Variants in ATG10 observed in about 807,000 individuals in gnomAD.
ATG10 encodes autophagy related 10.
In ATG10, 30 loss-of-function variants were observed where a neutral mutation model predicts 32.1. The observed-to-expected ratio is 0.94, with a 90% CI of 0.70 to 1.27. ATG10 has a LOEUF of 1.27. ATG10 is among the 50% of genes most tolerant of loss of function. The pLI is 0.00. For missense variants in ATG10, 233 were observed against 262.3 expected, an observed-to-expected ratio of 0.89 and a Z score of 0.77; for synonymous variants, 87 against 91.5, an observed-to-expected ratio of 0.95 and a Z score of 0.28.
intron 3 of ATG10, among the ~76,000 whole-genome samples, chr5:82,079,101 C>T (rs1348781771): frequency 6.6e-6 from 1 of 152,188 alleles, no homozygotes; most frequent in Non-Finnish European, 1.5e-5. Flanking sequence ...CTTGTAGTTT[C>T]ATTCAGATTC....
Position 82,100,813 on chromosome 5 carries a change from C to T in ATG10, c.216+42211C>T, listed in dbSNP as rs117311805. ...TTTTTTTGGCTGCCTGTAACCACAG[C>T]ATGAGTCTTCAGTCTAGAGGACTGT... On this transcript the variant is annotated intron_variant, in intron 3 of 7. Coordinates refer to ENST00000282185, the MANE Select transcript of ATG10 (RefSeq NM_031482.5). 2.0e-4 allele frequency among the ~76,000 whole-genome samples: 27 copies of T among 135,600 alleles called. No homozygotes were observed. The East Asian group carries it at 5.4e-3, about 27-fold the overall frequency. 89.0% of individuals were successfully genotyped at this position (135,600 alleles called of 152,430 possible). A position where few individuals can be genotyped will look rare whatever the true frequency, so the allele number is the denominator to read the frequency against.
chr5:82,008,359 G>A (rs1762038302), intron 2 of ATG10, among the ~76,000 whole-genome samples: 1 of 151,388 alleles, frequency 6.6e-6, no homozygotes, highest in Admixed American at 6.6e-5. Context: ...CTGTGTTTTT[G>A]TAATAAACAC....
chr5:82,187,856 G>A (rs1396976008), intron 5 of ATG10, among the ~76,000 whole-genome samples: 2 of 152,096 alleles, frequency 1.3e-5, no homozygotes, highest in East Asian at 3.9e-4. Flanking sequence ...CCAAAGTGCT[G>A]GGATTACAGG....
At chr5:82,038,647 C>T (rs112340125) in intron 2 of ATG10, among the ~76,000 whole-genome samples, 88 of 152,274 alleles carry the variant, frequency 5.8e-4, no homozygotes, top group Non-Finnish European at 9.4e-4. Flanking sequence ...TAAGCTCTTC[C>T]GAGCAGAAGC....
In ATG10 at chr5:82,135,234, C is replaced by G. The variant is rs557223724; in HGVS notation, c.217-29165C>G. ...CATGTCTCTGTCTTCTTCAGTTCTG[C>G]TCTGATCTTAGTTACTTCTTGTCTT... On this transcript the variant is annotated intron_variant, in intron 3 of 7. Transcript: ENST00000282185. 1.1e-3 allele frequency among the ~76,000 whole-genome samples: 164 copies of G among 152,234 alleles called. 1 individual carries two copies. In the South Asian group the frequency reaches 0.012, roughly 11 times the overall value.
chr5:82,020,889 C>T (rs2149705820), intron 2 of ATG10, among the ~76,000 whole-genome samples: 1 of 152,112 alleles, frequency 6.6e-6, no homozygotes, highest in South Asian at 2.1e-4. Context: ...TTACCAGGTA[C>T]AAAAGGGGAT....
chr5:82,252,836 G>A, intron 6 of ATG10, 177 bp downstream of exon 6: 1 of 532,714 alleles, frequency 1.9e-6, no homozygotes, highest in Non-Finnish European at 3.3e-6. Context: ...GTAAGACATT[G>A]GATTTTTGCA....
intron 2 of ATG10, among the ~76,000 whole-genome samples, chr5:82,026,176 C>CT (rs1762589426): frequency 6.6e-6 from 1 of 152,262 alleles, no homozygotes; most frequent in East Asian, 1.9e-4. Context: ...AACCACCATT[C>CT]TACTTTATGT....
chr5:82,088,105 C>T (rs1056482763), intron 3 of ATG10, among the ~76,000 whole-genome samples: 1 of 152,254 alleles, frequency 6.6e-6, no homozygotes, highest in African/African-American at 2.4e-5. Context: ...CACTCACTTT[C>T]CCAGAGCTAA....
intron 3 of ATG10, among the ~76,000 whole-genome samples, chr5:82,145,088 T>A (rs187653390): frequency 9.2e-5 from 14 of 152,254 alleles, no homozygotes; most frequent in African/African-American, 3.4e-4. Context: ...TTATCTGATA[T>A]TATATCTACT....
chr5:82,100,000 G>GTTTTTTTTTTTTTTT (rs869311526), intron 3 of ATG10, among the ~76,000 whole-genome samples: 5 of 58,956 alleles, frequency 8.5e-5, no homozygotes, highest in African/African-American at 1.4e-4. Context: ...CTTTTTCTGT[G>GTTTTTTTTTTTTTTT]TTTTTTTTTT....
intron 3 of ATG10, among the ~76,000 whole-genome samples, chr5:82,099,470 C>T (rs1444639863): frequency 5.9e-5 from 9 of 151,752 alleles, no homozygotes; most frequent in Non-Finnish European, 1.3e-4. Flanking sequence ...AATAGAATTA[C>T]ATTTATAGAC....
intron 3 of ATG10, among the ~76,000 whole-genome samples, chr5:82,138,286 C>G (rs1027038903): frequency 6.6e-6 from 1 of 152,188 alleles, no homozygotes; most frequent in Non-Finnish European, 1.5e-5. Context: ...AAAAAAAACT[C>G]CTGCAGCTAC....
intron 3 of ATG10, among the ~76,000 whole-genome samples, chr5:82,105,760 T>A (rs1765429307): frequency 6.6e-6 from 1 of 152,238 alleles, no homozygotes; most frequent in Non-Finnish European, 1.5e-5. Context: ...CAGGCTTTGA[T>A]TTTGTCAGTT....
intron 5 of ATG10, among the ~76,000 whole-genome samples, chr5:82,208,259 C>T (rs74387756): frequency 6.7e-6 from 1 of 148,666 alleles, no homozygotes; most frequent in Non-Finnish European, 1.5e-5. Context: ...CCTAACTATT[C>T]TTTTTTTTTT....
chr5:82,076,361 G>A (rs1323745267), intron 3 of ATG10, among the ~76,000 whole-genome samples: 1 of 152,086 alleles, frequency 6.6e-6, no homozygotes, highest in African/African-American at 2.4e-5. Context: ...AAATTTTAAT[G>A]GCAATTTTAA....
chr5:82,099,847 A>G (rs904131444), intron 3 of ATG10, among the ~76,000 whole-genome samples: 2 of 152,100 alleles, frequency 1.3e-5, no homozygotes, highest in Non-Finnish European at 2.9e-5. Flanking sequence ...ACCTACTGCA[A>G]TCAATATCTA....
intron 5 of ATG10, among the ~76,000 whole-genome samples, chr5:82,203,293 T>C (rs1745147167): frequency 6.6e-6 from 1 of 151,796 alleles, no homozygotes; most frequent in African/African-American, 2.4e-5. Context: ...AAGTGGGGTT[T>C]CTTCCAGTGT....
At chr5:82,018,571 C>T (rs1258817668) in intron 2 of ATG10, among the ~76,000 whole-genome samples, 1 of 152,194 alleles carries the variant, frequency 6.6e-6, no homozygotes, top group Non-Finnish European at 1.5e-5. Context: ...GATTTCACCT[C>T]CTATTTTTCT....
Sources: allele counts gnomAD v4.1 joint callset (sites outside exome capture counted in the v4.1 genomes callset), GRCh38; gene constraint gnomAD v4.1.1; transcripts MANE v1.5; gene names NCBI Gene and HGNC (gene_info 2026-07-23, HGNC 2026-07-21).